Variants in FERRY3 observed in about 807,000 individuals in gnomAD.
FERRY3 encodes protein C12orf4.
At chr12:4,527,236 A>G in the FERRY3 span, among the ~76,000 whole-genome samples, 1 of 152,314 alleles carries the variant, frequency 6.6e-6, no homozygotes, top group Non-Finnish European at 1.5e-5. Context: ...AAAAGAGCAC[A>G]TCTCTTGTGA....
the FERRY3 span, chr12:4,534,402 AT>A: frequency 1.5e-6 from 2 of 1,328,752 alleles, no homozygotes; most frequent in Non-Finnish European, 2.0e-6. Flanking sequence ...TTATTGTTAA[AT>A]TTTTATTTTT....
the FERRY3 span, among the ~76,000 whole-genome samples, chr12:4,533,216 A>G: frequency 1.3e-5 from 2 of 152,184 alleles, no homozygotes; most frequent in Admixed American, 6.5e-5. Flanking sequence ...CTGTCTTCCC[A>G]GTTATGATTA....
the FERRY3 span, chr12:4,534,078 A>G: frequency 1.4e-6 from 2 of 1,409,868 alleles, no homozygotes; most frequent in Non-Finnish European, 1.9e-6. Context: ...TAACGATTTC[A>G]GGATTACCAC....
chr12:4,512,501 G>A, the FERRY3 span, among the ~76,000 whole-genome samples: 2 of 152,224 alleles, frequency 1.3e-5, no homozygotes, highest in South Asian at 2.1e-4. Flanking sequence ...ATAAAATACT[G>A]GCAAAACGAA....
the FERRY3 span, chr12:4,502,490 T>G: frequency 1.2e-5 from 5 of 427,750 alleles, no homozygotes; most frequent in Admixed American, 1.5e-4. This position sits in a 1 kb window ranked among gnomAD's most constrained non-coding sequence, Gnocchi z 4.2. Context: ...TTCCTATCAA[T>G]ATAAAGAAAT....
At chr12:4,501,423 G>A in the FERRY3 span, among the ~76,000 whole-genome samples, 70 of 152,240 alleles carry the variant, frequency 4.6e-4, no homozygotes, top group African/African-American at 1.6e-3. Context: ...GTTAGGAACC[G>A]GGCTGCATAG....
At chr12:4,490,541 A>C in the FERRY3 span, 1 of 1,607,388 alleles carries the variant, frequency 6.2e-7, no homozygotes, top group Non-Finnish European at 8.5e-7. Context: ...TAGAAATTGC[A>C]CTGTCCTAGA....
chr12:4,530,424 AT>A, the FERRY3 span, among the ~76,000 whole-genome samples: 874 of 152,304 alleles, frequency 5.7e-3, 10 homozygotes, highest in South Asian at 0.024. Context: ...GGACAGTGGG[AT>A]TTCTGATAGC....
chr12:4,518,223 A>G, the FERRY3 span: 5 of 1,614,148 alleles, frequency 3.1e-6, no homozygotes, highest in Admixed American at 5.0e-5. Flanking sequence ...GCTCTCAGCA[A>G]TCTCAAATTA....
At chr12:4,531,872 A>G in the FERRY3 span, among the ~76,000 whole-genome samples, 1 of 152,154 alleles carries the variant, frequency 6.6e-6, no homozygotes. Context: ...AAACCCATCC[A>G]AGGCACTGCC....
chr12:4,501,905 G>A, the FERRY3 span, among the ~76,000 whole-genome samples: 1 of 152,146 alleles, frequency 6.6e-6, no homozygotes, highest in African/African-American at 2.4e-5. Flanking sequence ...AGTCTAGAAG[G>A]CCAAGATGAC....
At chr12:4,532,052 GA>G in the FERRY3 span, among the ~76,000 whole-genome samples, 1 of 150,478 alleles carries the variant, frequency 6.6e-6, no homozygotes, top group Non-Finnish European at 1.5e-5. Context: ...GGATGGCTTT[GA>G]ATGCCGCCCA....
chr12:4,507,879 A>ATCTG, the FERRY3 span, among the ~76,000 whole-genome samples: 2 of 152,178 alleles, frequency 1.3e-5, no homozygotes, highest in Middle Eastern at 3.2e-3. Flanking sequence ...ATACATAAAC[A>ATCTG]TCTGTCTGGA....
chr12:4,528,915 A>C, the FERRY3 span, among the ~76,000 whole-genome samples: 169 of 139,558 alleles, frequency 1.2e-3, 1 homozygote, highest in African/African-American at 5.0e-3. Context: ...ACACACACAC[A>C]CACACACACA....
the FERRY3 span, among the ~76,000 whole-genome samples, chr12:4,505,808 G>T: frequency 2.6e-5 from 4 of 152,154 alleles, no homozygotes; most frequent in East Asian, 7.7e-4. Context: ...GATAGTTGTG[G>T]TGTGGCCATC....
chr12:4,536,157 C>T, the FERRY3 span: 2 of 1,602,396 alleles, frequency 1.2e-6, no homozygotes, highest in Non-Finnish European at 1.7e-6. Context: ...TACAAATTCT[C>T]TCTCTCTATT....
the FERRY3 span, among the ~76,000 whole-genome samples, chr12:4,520,106 AAAAG>A: frequency 1.3e-5 from 2 of 152,230 alleles, no homozygotes; most frequent in Admixed American, 1.3e-4. Context: ...CAAGGGGGTA[AAAAG>A]AAAGCAGCTA....
the FERRY3 span, among the ~76,000 whole-genome samples, chr12:4,511,773 C>T: frequency 7.1e-6 from 1 of 141,700 alleles, no homozygotes; most frequent in Non-Finnish European, 1.5e-5. Context: ...ACTAAATGCC[C>T]ACAAGAGAAA....
the FERRY3 span, among the ~76,000 whole-genome samples, chr12:4,519,705 G>A: frequency 1.3e-5 from 2 of 152,344 alleles, no homozygotes; most frequent in East Asian, 3.9e-4. This position sits in a 1 kb window ranked among gnomAD's most constrained non-coding sequence, Gnocchi z 4.3. Flanking sequence ...AGCAGGAAGT[G>A]AGCAGCAGGC....
Sources: gnomAD v4.1 joint callset for allele counts (sites outside exome capture counted in the v4.1 genomes callset) on GRCh38, gnomAD v4.1.1 for gene constraint, Gnocchi (gnomAD v3.1) non-coding constraint, MANE v1.5 for transcripts, NCBI Gene and HGNC (gene_info 2026-07-23, HGNC 2026-07-21) for gene names.